Variants in TMEM131 observed in about 807,000 individuals in gnomAD.
TMEM131 encodes 2610524E03Rik.
In TMEM131, 66 loss-of-function variants were observed where a neutral mutation model predicts 211.6. That is an observed-to-expected ratio of 0.31 (90% CI 0.26 to 0.38). The LOEUF is 0.38. Ranked by LOEUF, TMEM131 falls within the 10% of genes least tolerant of loss-of-function variation. The probability of loss-of-function intolerance (pLI) is 1.00; values close to 1 mark genes in which losing one functional copy is unlikely to be tolerated. For synonymous variants in TMEM131, 844 were observed against 841.3 expected, an observed-to-expected ratio of 1.00 and a Z score of -0.06; for missense variants, 2,036 against 2,299.3, an observed-to-expected ratio of 0.89 and a Z score of 2.34.
intron 1 of TMEM131, among the ~76,000 whole-genome samples, chr2:97,991,749 G>C (rs892300060): frequency 3.9e-5 from 6 of 152,174 alleles, no homozygotes; most frequent in Non-Finnish European, 8.8e-5. Context: ...CAATCAGAGC[G>C]CTTGAGTCAC....
intron 11 of TMEM131, among the ~76,000 whole-genome samples, chr2:97,830,051 C>T (rs1468918495): frequency 2.1e-5 from 3 of 146,212 alleles, no homozygotes; most frequent in Non-Finnish European, 4.5e-5. Context: ...CCTTAAAATA[C>T]GCTGCAGTAA....
intron 1 of TMEM131, among the ~76,000 whole-genome samples, chr2:97,931,027 C>T (rs1193922352): frequency 1.3e-5 from 2 of 151,798 alleles, no homozygotes; most frequent in East Asian, 3.8e-4. Context: ...TGAATTCTGG[C>T]AATGTGAATC....
intron 3 of TMEM131, among the ~76,000 whole-genome samples, chr2:97,905,920 A>T (rs539561864): frequency 1.3e-5 from 2 of 152,280 alleles, no homozygotes; most frequent in African/African-American, 4.8e-5. Flanking sequence ...AACACACCCA[A>T]ATACCTCTGG....
At chr2:97,928,484 T>A (rs931124070) in intron 1 of TMEM131, among the ~76,000 whole-genome samples, 4 of 151,726 alleles carry the variant, frequency 2.6e-5, no homozygotes. Flanking sequence ...ATTTTAAAAA[T>A]TTATTTAGAA....
intron 4 of TMEM131, among the ~76,000 whole-genome samples, chr2:97,881,591 G>A (rs758975437): frequency 6.6e-6 from 1 of 151,362 alleles, no homozygotes; most frequent in African/African-American, 2.4e-5. Context: ...GTAAAACTGG[G>A]TCACACTCAC....
chr2:97,951,690 G>A (rs1678323167), intron 1 of TMEM131, among the ~76,000 whole-genome samples: 4 of 152,088 alleles, frequency 2.6e-5, no homozygotes, highest in Admixed American at 2.0e-4. Flanking sequence ...GGATACACGG[G>A]GGAAAAACAC....
At position 97,756,924 on chromosome 2, in the gene TMEM131, G is replaced by A. The variant is rs1272427299; in HGVS notation, c.*175C>T. 1 of 668,796 alleles carries A rather than the reference G, an allele frequency of 1.5e-6. No homozygotes were observed. The highest frequency in any genetic ancestry group is 2.3e-6 in the Non-Finnish European group (1 of 433,350). 41.4% of individuals were successfully genotyped at this position (668,796 alleles called of 1,614,324 possible). On this transcript the variant is annotated 3_prime_UTR_variant, in exon 41 of 41. Transcript: ENST00000186436. The stretch of plus-strand genomic sequence containing the variant: ...CAGCAAATCTCATGTTATCATAATT[G>A]CAAGAAAGATCTGAAAGAAGCGAGT...
At chr2:97,807,481 G>T (rs1394686191) in intron 19 of TMEM131, among the ~76,000 whole-genome samples, 1 of 152,208 alleles carries the variant, frequency 6.6e-6, no homozygotes, top group Non-Finnish European at 1.5e-5. Context: ...GCACATGCCA[G>T]CTCCTCTTTG....
intron 11 of TMEM131, among the ~76,000 whole-genome samples, chr2:97,820,143 G>C (rs1178908821): frequency 1.3e-5 from 2 of 152,148 alleles, no homozygotes; most frequent in Admixed American, 6.5e-5. Flanking sequence ...AGGCTCTCTT[G>C]GCATTTTAAC....
intron 1 of TMEM131, among the ~76,000 whole-genome samples, chr2:97,962,734 AAC>A (rs1201131627): frequency 6.6e-6 from 1 of 152,232 alleles, no homozygotes; most frequent in Non-Finnish European, 1.5e-5. Flanking sequence ...CTTTTACTTA[AAC>A]CTTCATAAAA....
At chr2:97,817,954 T>C (rs961040879) in intron 12 of TMEM131, among the ~76,000 whole-genome samples, 16 of 152,222 alleles carry the variant, frequency 1.1e-4, no homozygotes, top group Non-Finnish European at 7.3e-5. Flanking sequence ...TTTAATTATC[T>C]GTATGGTTAA....
intron 1 of TMEM131, among the ~76,000 whole-genome samples, chr2:97,933,186 T>C (rs1260742919): frequency 1.3e-5 from 2 of 152,146 alleles, no homozygotes; most frequent in Non-Finnish European, 2.9e-5. Context: ...CCACGTTGAG[T>C]GATGCGTGAC....
Position 97,757,051 on chromosome 2 carries a change from T to C in TMEM131, c.*48A>G, listed in dbSNP as rs748536724. ...AAAAGATGTCTCAGAAACTGGCACA[T>C]CATGATCTAGACGAGGGCCCACTAT... On this transcript the variant is annotated 3_prime_UTR_variant, in exon 41 of 41. Coordinates refer to ENST00000186436, the MANE Select transcript of TMEM131 (RefSeq NM_015348.2). 6 of 1,518,062 alleles carry C rather than the reference T, an allele frequency of 4.0e-6. No individual in the cohort carries two copies. The South Asian group carries it at 5.3e-5, about 13-fold the overall frequency. 94.0% of individuals were successfully genotyped at this position (1,518,062 alleles called of 1,614,324 possible).
chr2:97,831,437 G>A (rs1415516496), intron 11 of TMEM131, among the ~76,000 whole-genome samples: 1 of 152,248 alleles, frequency 6.6e-6, no homozygotes, highest in African/African-American at 2.4e-5. Flanking sequence ...TTGAATGGGT[G>A]AATGAAGGCG....
chr2:97,871,776 C>G (rs1674498219), intron 4 of TMEM131, among the ~76,000 whole-genome samples: 1 of 152,208 alleles, frequency 6.6e-6, no homozygotes, highest in Non-Finnish European at 1.5e-5. Flanking sequence ...ATAACTCTAT[C>G]TCCTGTGTGG....
chr2:97,798,973 T>G (rs965001081), intron 25 of TMEM131, among the ~76,000 whole-genome samples: 10 of 152,240 alleles, frequency 6.6e-5, no homozygotes, highest in African/African-American at 1.9e-4. Context: ...TAAGATGTTG[T>G]GATGCCTCCC....
intron 1 of TMEM131, among the ~76,000 whole-genome samples, chr2:97,950,653 G>T (rs181390519): frequency 6.6e-6 from 1 of 151,814 alleles, no homozygotes; most frequent in Non-Finnish European, 1.5e-5. Flanking sequence ...TTTTAATTAC[G>T]GGTTTCTCAG....
chr2:97,946,666 G>GA (rs1012341406), intron 1 of TMEM131, among the ~76,000 whole-genome samples: 115 of 148,398 alleles, frequency 7.7e-4, no homozygotes, highest in East Asian at 6.1e-3. Flanking sequence ...TATTTAAGGG[G>GA]AAAAAAAAAA....
At chr2:97,764,162 C>A (rs1456334360) in intron 35 of TMEM131, 1 of 152,296 alleles carries the variant, frequency 6.6e-6, no homozygotes, top group East Asian at 1.9e-4. Flanking sequence ...CTGCACAACT[C>A]CCCCAGCGGC....
Sources: gnomAD v4.1 joint callset for allele counts (sites outside exome capture counted in the v4.1 genomes callset) on GRCh38, gnomAD v4.1.1 for gene constraint, MANE v1.5 for transcripts, NCBI Gene and HGNC (gene_info 2026-07-23, HGNC 2026-07-21) for gene names.